MMD2: variants seen among roughly 807,000 people sequenced by gnomAD.
MMD2 encodes the protein monocyte to macrophage differentiation associated 2.
In MMD2, 30 loss-of-function variants were observed where a neutral mutation model predicts 33.5. The ratio of observed to expected loss-of-function variants is 0.90; its 90% CI spans 0.67 to 1.22. MMD2 has a LOEUF of 1.22. Among genes scored for constraint, MMD2 ranks in the 50% most tolerant of loss-of-function variants. The probability of loss-of-function intolerance (pLI) is 0.00; values close to 1 mark genes in which losing one functional copy is unlikely to be tolerated. For missense variants in MMD2, 364 were observed against 325.4 expected, an observed-to-expected ratio of 1.12 and a Z score of -0.91; for synonymous variants, 129 against 123.0, an observed-to-expected ratio of 1.05 and a Z score of -0.32.
intron 3 of MMD2, among the ~76,000 whole-genome samples, chr7:4,917,826 G>A (rs571819977): frequency 3.5e-4 from 53 of 152,250 alleles, no homozygotes; most frequent in African/African-American, 1.2e-3. Flanking sequence ...CCTCCACAAT[G>A]GTGCCAATGA....
chr7:4,956,136 C>T (rs1786376214), intron 1 of MMD2, among the ~76,000 whole-genome samples: 1 of 152,068 alleles, frequency 6.6e-6, no homozygotes, highest in African/African-American at 2.4e-5. Context: ...TAAATTCATT[C>T]AATCAGCTGG....
chr7:4,901,239 G>A (rs185841919), downstream of MMD2, among the ~76,000 whole-genome samples: 8 of 151,026 alleles, frequency 5.3e-5, no homozygotes, highest in South Asian at 6.3e-4. Context: ...TCAGGAGTTC[G>A]AGACCAGCCT....
intron 1 of MMD2, among the ~76,000 whole-genome samples, chr7:4,937,612 G>A (rs377040399): frequency 2.0e-5 from 3 of 152,224 alleles, no homozygotes; most frequent in Admixed American, 6.5e-5. Context: ...GGATTCAAGC[G>A]ATGTTCCTGC....
Position 4,943,299 on chromosome 7 carries a change from G to A in MMD2, c.47+15672C>T, listed in dbSNP as rs181098705. ...ACTGGGATTACAGGCATGAGCCACC[G>A]CGCCTGGCCTTTTTTCTGTATTTTT... On this transcript the variant is annotated intron_variant, in intron 1 of 6. Coordinates refer to ENST00000401401, the MANE Select transcript of MMD2 (RefSeq NM_198403.4). Among the ~76,000 whole-genome samples, 16 of 152,098 alleles carry A rather than the reference G, an allele frequency of 1.1e-4. No homozygotes were observed. The East Asian group carries it at 3.1e-3, about 29-fold the overall frequency.
chr7:4,907,717 C>CT, intron 6 of MMD2, 118 bp from the exon 7 acceptor site: 2 of 889,310 alleles, frequency 2.2e-6, no homozygotes, highest in East Asian at 5.1e-5. Flanking sequence ...CCAGCCCAGA[C>CT]TCCCAGGTGG....
Position 4,954,394 on chromosome 7 carries a change from G to A in MMD2, c.47+4577C>T, listed in dbSNP as rs190863529. Reference sequence around the variant, plus strand: ...TGGCTTGTCTTCTACTTTCTTCATGGCATTTTTGATTAACAGAAACTTAAT... The same window carrying A: ...TGGCTTGTCTTCTACTTTCTTCATGACATTTTTGATTAACAGAAACTTAAT... On this transcript the variant is annotated intron_variant, in intron 1 of 6. Transcript: ENST00000401401. Among the ~76,000 whole-genome samples, 4 of 151,642 alleles carry A rather than the reference G, an allele frequency of 2.6e-5. No homozygotes were observed. In the East Asian group the frequency reaches 7.7e-4, roughly 29 times the overall value.
chr7:4,910,228 A>C (rs1784972235), intron 5 of MMD2, among the ~76,000 whole-genome samples: 1 of 152,170 alleles, frequency 6.6e-6, no homozygotes, highest in Non-Finnish European at 1.5e-5. Context: ...AACATTGGGC[A>C]TAGCACACAC....
the MMD2 span, among the ~76,000 whole-genome samples, chr7:4,894,145 T>C: frequency 6.6e-6 from 1 of 152,082 alleles, no homozygotes; most frequent in Admixed American, 6.6e-5. This position sits in a 1 kb window ranked among gnomAD's most constrained non-coding sequence, Gnocchi z 4.3. Context: ...CCAAAGAATA[T>C]GGCAGGAATG....
the MMD2 span, among the ~76,000 whole-genome samples, chr7:4,897,528 C>T: frequency 1.3e-5 from 2 of 152,208 alleles, no homozygotes; most frequent in East Asian, 3.9e-4. Flanking sequence ...CCGTTTCCTC[C>T]CACCCCAGAG....
intron 1 of MMD2, among the ~76,000 whole-genome samples, chr7:4,934,033 A>G (rs2085182043): frequency 1.3e-5 from 2 of 148,414 alleles, no homozygotes; most frequent in Admixed American, 1.4e-4. Flanking sequence ...ATGTTCAAGC[A>G]ATTCTCCTGC....
In MMD2 at chr7:4,946,116, C is replaced by A. The variant is rs980649321; in HGVS notation, c.47+12855G>T. ...ACACACACGCATGCACACGCGCACA[C>A]GCACGCACACACCTGCACACGCACG... On this transcript the variant is annotated intron_variant, in intron 1 of 6. Coordinates refer to ENST00000401401, the MANE Select transcript of MMD2 (RefSeq NM_198403.4). This position sits in a 1 kb window ranked among gnomAD's most constrained non-coding sequence, Gnocchi z 5.0. Among the ~76,000 whole-genome samples, 1 of 151,570 alleles carries A rather than the reference C, an allele frequency of 6.6e-6. No homozygotes were observed. The highest frequency in any genetic ancestry group is 1.5e-5 in the Non-Finnish European group (1 of 67,818).
downstream of MMD2, among the ~76,000 whole-genome samples, chr7:4,901,983 G>A (rs185280976): frequency 1.4e-3 from 210 of 152,074 alleles, 1 homozygote; most frequent in African/African-American, 4.3e-3. Context: ...GTGGAATCTC[G>A]CTCTGTCACC....
chr7:4,920,420 G>A lies in MMD2; in HGVS notation c.130-89C>T, dbSNP rs57083415. ...CCCTTCCCCGGCTGAGCTGCCCAAC[G>A]TGGCAGCACTCGGCTCTTGAAATGT... On this transcript the variant is annotated intron_variant, in intron 2 of 6. Transcript: ENST00000401401. 3.0e-3 allele frequency: 4,101 copies of A among 1,354,978 alleles called. 94 individuals carry two copies. In the African/African-American group the frequency reaches 0.053, roughly 18 times the overall value. The allele number at this position is 1,354,978 out of a possible 1,614,324, so 83.9% of individuals were successfully genotyped here.
chr7:4,932,708 C>G (rs1024837934), intron 1 of MMD2, among the ~76,000 whole-genome samples: 4 of 150,936 alleles, frequency 2.7e-5, no homozygotes, highest in Non-Finnish European at 5.9e-5. Flanking sequence ...CTGCAGCTTC[C>G]ACCTCTTGGG....
intron 2 of MMD2, among the ~76,000 whole-genome samples, chr7:4,922,893 A>C (rs1785323394): frequency 6.6e-6 from 1 of 152,176 alleles, no homozygotes; most frequent in Non-Finnish European, 1.5e-5. Flanking sequence ...CCCTGTGCTC[A>C]TAGGTGCTAA....
intron 1 of MMD2, among the ~76,000 whole-genome samples, chr7:4,927,270 G>A (rs1465849965): frequency 1.3e-5 from 2 of 152,132 alleles, no homozygotes; most frequent in Non-Finnish European, 2.9e-5. Context: ...CCTGGCCAGG[G>A]GCAGTGGCTC....
chr7:4,949,378 C>T (rs1188280876), intron 1 of MMD2, among the ~76,000 whole-genome samples: 1 of 152,002 alleles, frequency 6.6e-6, no homozygotes, highest in Non-Finnish European at 1.5e-5. Flanking sequence ...CTCTCTGTGT[C>T]CAAGAGTTCA....
chr7:4,892,433 C>A, the MMD2 span, among the ~76,000 whole-genome samples: 1 of 151,680 alleles, frequency 6.6e-6, no homozygotes, highest in Non-Finnish European at 1.5e-5. Context: ...ACTAAAAATA[C>A]AAAAATTAGC....
the MMD2 span, among the ~76,000 whole-genome samples, chr7:4,893,364 T>TTTTATTTATTTATTTATTTA: frequency 7.0e-6 from 1 of 142,978 alleles, no homozygotes; most frequent in Non-Finnish European, 1.5e-5. Context: ...TGGTTATTTC[T>TTTTATTTATTTATTTATTTA]TTTATTTATT....
Sources: allele counts gnomAD v4.1 joint callset (sites outside exome capture counted in the v4.1 genomes callset), GRCh38; gene constraint gnomAD v4.1.1; non-coding constraint Gnocchi (gnomAD v3.1); transcripts MANE v1.5; gene names NCBI Gene and HGNC (gene_info 2026-07-23, HGNC 2026-07-21).